The following CACNA2D3 variants were observed in gnomAD, a reference collection of about 807,000 sequenced individuals.
CACNA2D3 encodes calcium voltage-gated channel auxiliary subunit alpha2delta 3, also known as voltage-dependent calcium channel subunit alpha-2/delta-3.
Under a neutral mutation model 160.6 loss-of-function variants are expected in CACNA2D3, and 60 were observed. That is an observed-to-expected ratio of 0.37 (90% CI 0.30 to 0.46). The LOEUF (loss-of-function observed/expected upper bound fraction) is 0.46. Among genes scored for constraint, CACNA2D3 ranks in the 20% least tolerant of loss-of-function variants. The pLI is 1.00. For missense variants in CACNA2D3, 1,205 were observed against 1,365.0 expected, an observed-to-expected ratio of 0.88 and a Z score of 1.85; for synonymous variants, 558 against 492.9, an observed-to-expected ratio of 1.13 and a Z score of -1.75.
At chr3:54,942,984 A>T (rs1235282562) in intron 27 of CACNA2D3, among the ~76,000 whole-genome samples, 1 of 152,100 alleles carries the variant, frequency 6.6e-6, no homozygotes, top group East Asian at 1.9e-4. Flanking sequence ...AGACTGTGCC[A>T]CTGCACTCCA....
intron 2 of CACNA2D3, among the ~76,000 whole-genome samples, chr3:54,285,031 T>C (rs549793778): frequency 6.6e-6 from 1 of 152,174 alleles, no homozygotes; most frequent in Non-Finnish European, 1.5e-5. Flanking sequence ...ATTTCTGCAT[T>C]TCCATCTGAG....
chr3:54,610,320 T>G (rs1207163556), intron 9 of CACNA2D3, among the ~76,000 whole-genome samples: 5 of 152,236 alleles, frequency 3.3e-5, no homozygotes, highest in Non-Finnish European at 5.9e-5. Context: ...GATACATGCC[T>G]TAAAATTTTA....
chr3:54,641,339 G>C (rs1235473952), intron 10 of CACNA2D3, among the ~76,000 whole-genome samples: 7 of 152,230 alleles, frequency 4.6e-5, no homozygotes, highest in Non-Finnish European at 8.8e-5. Flanking sequence ...TTGGTTGAAA[G>C]AATTAAGCTT....
intron 31 of CACNA2D3, among the ~76,000 whole-genome samples, chr3:54,989,222 C>G (rs574651520): frequency 6.6e-6 from 1 of 152,290 alleles, no homozygotes; most frequent in Admixed American, 6.5e-5. Context: ...TTTTCAACTT[C>G]TTTAACAAAC....
At chr3:54,378,567 C>T (rs551459248) in intron 3 of CACNA2D3, among the ~76,000 whole-genome samples, 4 of 152,286 alleles carry the variant, frequency 2.6e-5, no homozygotes, top group African/African-American at 9.6e-5. Context: ...TTCCATTGCC[C>T]ACAAAAGAAA....
At chr3:55,041,862 T>C (rs1703967034) in intron 35 of CACNA2D3, among the ~76,000 whole-genome samples, 1 of 152,124 alleles carries the variant, frequency 6.6e-6, no homozygotes, top group Non-Finnish European at 1.5e-5. Flanking sequence ...TTTTACTGTC[T>C]TGTAGTTTAA....
intron 35 of CACNA2D3, among the ~76,000 whole-genome samples, chr3:55,032,219 G>A (rs1001987696): frequency 3.3e-5 from 5 of 152,112 alleles, no homozygotes; most frequent in African/African-American, 7.2e-5. Flanking sequence ...AGATCTGCCC[G>A]ACTCTGAAAG....
intron 2 of CACNA2D3, chr3:54,273,099 T>A (rs1702652938): frequency 6.6e-6 from 1 of 152,246 alleles, no homozygotes; most frequent in African/African-American, 2.4e-5. Flanking sequence ...TTGCTCACGG[T>A]AAATGCGTCA....
chr3:54,463,065 G>A (rs369433748), intron 4 of CACNA2D3, among the ~76,000 whole-genome samples: 2 of 151,714 alleles, frequency 1.3e-5, no homozygotes, highest in African/African-American at 2.4e-5. Context: ...GAAATTCTGG[G>A]TTGAAAATTC....
intron 11 of CACNA2D3, among the ~76,000 whole-genome samples, chr3:54,672,064 AG>A (rs1480659653): frequency 6.6e-6 from 1 of 152,194 alleles, no homozygotes; most frequent in Non-Finnish European, 1.5e-5. Context: ...GAACCAAAGG[AG>A]GTCCTTGTCC....
At chr3:54,316,913 A>T (rs925401344) in intron 2 of CACNA2D3, among the ~76,000 whole-genome samples, 2 of 152,276 alleles carry the variant, frequency 1.3e-5, no homozygotes, top group African/African-American at 4.8e-5. Flanking sequence ...ACTTCAGATA[A>T]AGATGAATTG....
chr3:54,993,848 C>T (rs560762742), intron 31 of CACNA2D3, among the ~76,000 whole-genome samples: 1 of 148,796 alleles, frequency 6.7e-6, no homozygotes, highest in South Asian at 2.1e-4. Context: ...CTGTCTCTCT[C>T]TCTCTCTTTT....
intron 2 of CACNA2D3, among the ~76,000 whole-genome samples, chr3:54,305,317 A>C (rs1208971309): frequency 2.0e-5 from 3 of 152,226 alleles, no homozygotes; most frequent in Non-Finnish European, 4.4e-5. Context: ...TATAGTTCCC[A>C]TTAATTCTAC....
chr3:54,465,817 G>A (rs1460048226), intron 4 of CACNA2D3, among the ~76,000 whole-genome samples: 1 of 152,218 alleles, frequency 6.6e-6, no homozygotes, highest in African/African-American at 2.4e-5. Flanking sequence ...TCAGAAGTCT[G>A]GGTGGGCTTG....
Position 54,682,417 on chromosome 3 carries a change from G to A in CACNA2D3, c.1167+40176G>A, listed in dbSNP as rs4955819. On this transcript the variant is annotated intron_variant, in intron 11 of 37. Transcript: ENST00000474759. ...CAAGGCGAGTGGATCATTTGAGCCA[G>A]GAGTTTGAGACCAGCCTGGCCAACA... Among the ~76,000 whole-genome samples, 651 of 152,224 alleles carry A rather than the reference G, an allele frequency of 4.3e-3. 20 individuals carry two copies. The highest frequency in any genetic ancestry group is 0.04 in the Admixed American group (609 of 15,286).
At chr3:54,285,320 T>A (rs1233504386) in intron 2 of CACNA2D3, among the ~76,000 whole-genome samples, 1 of 152,144 alleles carries the variant, frequency 6.6e-6, no homozygotes, top group Non-Finnish European at 1.5e-5. Context: ...GCCCACGAAG[T>A]CTCGCTGATA....
intron 11 of CACNA2D3, among the ~76,000 whole-genome samples, chr3:54,687,121 C>CTTTTTTTTTTTTTTCTTTTTT (rs757838355): frequency 1.1e-5 from 1 of 94,934 alleles, no homozygotes; most frequent in Non-Finnish European, 2.1e-5. Flanking sequence ...TTTTCTTTTT[C>CTTTTTTTTTTTTTTCTTTTTT]TTTTTTTTTT....
chr3:54,151,744 C>G (rs1014152827), intron 2 of CACNA2D3, among the ~76,000 whole-genome samples: 12 of 152,306 alleles, frequency 7.9e-5, no homozygotes, highest in Admixed American at 2.6e-4. Flanking sequence ...TGCTATGCTG[C>G]CTGCTCCTTA....
intron 8 of CACNA2D3, among the ~76,000 whole-genome samples, chr3:54,571,099 G>A (rs1350493549): frequency 6.6e-6 from 1 of 152,072 alleles, no homozygotes; most frequent in Non-Finnish European, 1.5e-5. Context: ...CTCGAAGCAG[G>A]GGCTTCCAGC....
Sources: gnomAD v4.1 joint callset for allele counts (sites outside exome capture counted in the v4.1 genomes callset) on GRCh38, gnomAD v4.1.1 for gene constraint, MANE v1.5 for transcripts, NCBI Gene and HGNC (gene_info 2026-07-23, HGNC 2026-07-21) for gene names.